Variants in ITIH5 observed in about 807,000 individuals in gnomAD.
ITIH5 encodes the protein inter-alpha-trypsin inhibitor heavy chain 5.
A neutral mutation model predicts 77.5 loss-of-function variants in ITIH5; 65 were observed. The observed-to-expected ratio is 0.84, with a 90% CI of 0.69 to 1.03. The LOEUF (loss-of-function observed/expected upper bound fraction) is 1.03, where lower values mean the gene tolerates loss of function less well. ITIH5 is among the 50% of genes least tolerant of loss of function. The pLI is 0.00. For synonymous variants in ITIH5, 525 were observed against 494.3 expected (o/e 1.06, Z -0.82); for missense variants, 1,208 against 1,213.1 (o/e 1.00, Z 0.06).
At chr10:7,602,271 C>T (rs1588390979) in intron 7 of ITIH5, among the ~76,000 whole-genome samples, 1 of 152,200 alleles carries the variant, frequency 6.6e-6, no homozygotes, top group Non-Finnish European at 1.5e-5. Flanking sequence ...TACCTCCAGG[C>T]TCTCCATCTG....
rs529293479 is a variant in ITIH5, at chr10:7,564,562, G to A, written c.2528-1178C>T. On this transcript the variant is annotated intron_variant, in intron 13 of 13. Coordinates refer to ENST00000397146, the MANE Select transcript of ITIH5 (RefSeq NM_030569.7). ...CACATGCTGTACAGGTTTGCAGCCC[G>A]GGAGCAATAGGAGACACCACATAGC... Among the ~76,000 whole-genome samples the A allele has an allele frequency of 7.2e-5, 11 of 152,208 alleles. No individual in the cohort carries two copies. In the South Asian group the frequency reaches 2.1e-3, roughly 29 times the overall value.
At position 7,563,376 on chromosome 10, in the gene ITIH5, G is replaced by A. The variant is rs1048391365; in HGVS notation, c.2536C>T (p.Leu846=). The A allele has an allele frequency of 3.7e-6, 6 of 1,612,168 alleles. No individual in the cohort carries two copies. Among genetic ancestry groups the A allele is most frequent in the Admixed American group, 1.7e-5 (1 of 59,958 alleles). The part of the protein sequence containing the change: ...SNCHGLLGQF[L]NQDARLTEDP... ...TCTGTGAGTCTGGCATCCTGATTCA[G>A]GAACTGACCTGGGAGGACAAGGAAA... Residue 846 remains leucine (L), a synonymous_variant, in exon 14 of 14, where the codon CTG becomes TTG. Transcript: ENST00000397146.
chr10:7,632,367 C>T (rs1025626407), intron 5 of ITIH5, among the ~76,000 whole-genome samples: 6 of 152,044 alleles, frequency 3.9e-5, no homozygotes, highest in Admixed American at 3.9e-4. Context: ...TAAAATTGGA[C>T]CCTGATGATG....
chr10:7,662,304 C>A (rs775946543), intron 1 of ITIH5, among the ~76,000 whole-genome samples: 4 of 151,858 alleles, frequency 2.6e-5, no homozygotes, highest in African/African-American at 4.8e-5. Context: ...TTGCAGTGAG[C>A]CAAGATCATG....
chr10:7,619,654 C>G, intron 5 of ITIH5: 1 of 320,388 alleles, frequency 3.1e-6, no homozygotes, highest in Non-Finnish European at 6.6e-6. Context: ...AACACGTCTA[C>G]AAGGCGGCAG....
intron 1 of ITIH5, among the ~76,000 whole-genome samples, chr10:7,664,783 A>C (rs777640207): frequency 4.9e-4 from 75 of 152,400 alleles, no homozygotes; most frequent in Middle Eastern, 6.8e-3. Context: ...AATTAAGTTT[A>C]CATACAATTT....
chr10:7,628,042 TG>T (rs1390148069), intron 5 of ITIH5, among the ~76,000 whole-genome samples: 4 of 152,054 alleles, frequency 2.6e-5, no homozygotes, highest in Non-Finnish European at 5.9e-5. Context: ...GGTTTCGCCA[TG>T]TTGGCCAGGC....
intron 8 of ITIH5, among the ~76,000 whole-genome samples, chr10:7,582,089 C>T (rs182841173): frequency 6.6e-6 from 1 of 151,874 alleles, no homozygotes; most frequent in African/African-American, 2.4e-5. Flanking sequence ...GTTGGCCAGG[C>T]TGGTCTTGAT....
chr10:7,598,414 T>C (rs1832952487), intron 7 of ITIH5, among the ~76,000 whole-genome samples: 1 of 152,206 alleles, frequency 6.6e-6, no homozygotes, highest in African/African-American at 2.4e-5. Flanking sequence ...TCTTCAAATA[T>C]TTTAAAACAG....
At chr10:7,614,190 A>C (rs116256571) in intron 7 of ITIH5, among the ~76,000 whole-genome samples, 3,351 of 152,344 alleles carry the variant, frequency 0.022, 131 homozygotes, top group African/African-American at 0.07. Flanking sequence ...CATGCAAAAG[A>C]AAAGGAACCC....
chr10:7,589,843 C>T (rs1832757248), intron 7 of ITIH5, among the ~76,000 whole-genome samples: 1 of 152,056 alleles, frequency 6.6e-6, no homozygotes, highest in Non-Finnish European at 1.5e-5. Flanking sequence ...GCTGTTCCCT[C>T]CTTGAAACTC....
intron 9 of ITIH5, among the ~76,000 whole-genome samples, 187 bp downstream of exon 9, chr10:7,579,568 T>TCAGA (rs1195719581): frequency 6.6e-6 from 1 of 150,908 alleles, no homozygotes; most frequent in Non-Finnish European, 1.5e-5. Context: ...TAAAGGAGGA[T>TCAGA]CAGAATTCGA....
chr10:7,584,515 G>A (rs1156914038), intron 8 of ITIH5, among the ~76,000 whole-genome samples: 2 of 151,892 alleles, frequency 1.3e-5, no homozygotes, highest in Non-Finnish European at 2.9e-5. Flanking sequence ...ATGTTGGCCA[G>A]GCTGGTCTTG....
intron 9 of ITIH5, among the ~76,000 whole-genome samples, chr10:7,579,090 G>A (rs1832482926): frequency 6.6e-6 from 1 of 152,216 alleles, no homozygotes; most frequent in Non-Finnish European, 1.5e-5. Flanking sequence ...AACTATGAGA[G>A]CTCATTAAAT....
At chr10:7,601,698 C>T (rs1365666795) in intron 7 of ITIH5, among the ~76,000 whole-genome samples, 1 of 152,144 alleles carries the variant, frequency 6.6e-6, no homozygotes, top group Admixed American at 6.5e-5. Context: ...ACAGGGCCGA[C>T]GGCCATCCCT....
At chr10:7,632,053 C>T (rs527938145) in intron 5 of ITIH5, among the ~76,000 whole-genome samples, 1 of 152,020 alleles carries the variant, frequency 6.6e-6, no homozygotes, top group South Asian at 2.1e-4. Context: ...CCGACCTTGC[C>T]CTTCCAAAAT....
chr10:7,610,069 C>CTTTTTTTTTTTTTTTTTTTTTT (rs5782989), intron 7 of ITIH5, among the ~76,000 whole-genome samples: 1 of 86,736 alleles, frequency 1.2e-5, no homozygotes, highest in African/African-American at 3.9e-5. Context: ...TTTCTTTTTT[C>CTTTTTTTTTTTTTTTTTTTTTT]TTTTTTTTTT....
At chr10:7,609,511 G>C (rs1041694549) in intron 7 of ITIH5, 2 of 454,750 alleles carry the variant, frequency 4.4e-6, no homozygotes, top group Non-Finnish European at 8.8e-6. Context: ...CATAAAGTAA[G>C]CCTGTGAGTG....
At chr10:7,616,134 C>A in intron 6 of ITIH5, 36 bp from the exon 7 acceptor site, 1 of 1,273,132 alleles carries the variant, frequency 7.9e-7, no homozygotes, top group South Asian at 1.2e-5. Flanking sequence ...ACGGTAGTAC[C>A]TAGAGCGGGG....
Sources: allele counts gnomAD v4.1 joint callset (sites outside exome capture counted in the v4.1 genomes callset), GRCh38; gene constraint gnomAD v4.1.1; transcripts MANE v1.5; gene names NCBI Gene and HGNC (gene_info 2026-07-23, HGNC 2026-07-21).